The following SPRYD4 variants were observed in gnomAD, a reference collection of about 807,000 sequenced individuals.
SPRYD4 encodes SPRY domain-containing protein 4.
Under a neutral mutation model 16.6 loss-of-function variants are expected in SPRYD4, and 12 were observed. The ratio of observed to expected loss-of-function variants is 0.72; its 90% CI spans 0.46 to 1.17. The LOEUF (loss-of-function observed/expected upper bound fraction) is 1.17, where lower values mean the gene tolerates loss of function less well. Among genes scored for constraint, SPRYD4 ranks in the 50% most tolerant of loss-of-function variants. The pLI is 0.00. For synonymous variants in SPRYD4, 98 were observed against 105.4 expected (o/e 0.93, Z 0.43); for missense variants, 260 against 260.2 (o/e 1.00, Z 0.00).
chr12:56,471,569 T>C lies in SPRYD4; in HGVS notation c.*1992T>C. On this transcript the variant is annotated 3_prime_UTR_variant, in exon 2 of 2. Transcript: ENST00000338146. Reference sequence around the variant, plus strand: ...AGTTTCAGAGAGTGTGTAGGAGTCCTGGTAATCTTGAAGCAGTTTGACCAC... The same window carrying C: ...AGTTTCAGAGAGTGTGTAGGAGTCCCGGTAATCTTGAAGCAGTTTGACCAC... 6.2e-7 allele frequency: 1 copy of C among 1,614,130 alleles called. No individual in the cohort carries two copies. The highest frequency in any genetic ancestry group is 8.5e-7 in the Non-Finnish European group (1 of 1,180,000).
At position 56,472,875 on chromosome 12, in the gene SPRYD4, C is replaced by G; in HGVS notation, c.*3298C>G. On this transcript the variant is annotated 3_prime_UTR_variant, in exon 2 of 2. Transcript: ENST00000338146. ...CTGAAGTGTTATGGAATGTGCTACTCTGAAATATTCTTTTTTTTTTTTTTT... is the reference window on the plus strand; with the variant it reads ...CTGAAGTGTTATGGAATGTGCTACTGTGAAATATTCTTTTTTTTTTTTTTT... 1.5e-6 allele frequency: 1 copy of G among 671,998 alleles called. No homozygotes were observed. Among genetic ancestry groups the G allele is most frequent in the Non-Finnish European group, 2.5e-6 (1 of 398,458 alleles). 41.6% of individuals were successfully genotyped at this position (671,998 alleles called of 1,614,324 possible). A position where few individuals can be genotyped will look rare whatever the true frequency, so the allele number is the denominator to read the frequency against.
At position 56,472,805 on chromosome 12, in the gene SPRYD4, G is replaced by T; in HGVS notation, c.*3228G>T. 6.6e-7 allele frequency: 1 copy of T among 1,518,446 alleles called. No individual in the cohort carries two copies. Among genetic ancestry groups the T allele is most frequent in the Non-Finnish European group, 9.1e-7 (1 of 1,093,782 alleles). 94.1% of individuals were successfully genotyped at this position (1,518,446 alleles called of 1,614,324 possible). ...TTAATTGAACTCACCTATGCCAGCT[G>T]TGCCCTGTGACCCTCCTCCATGGAT... On this transcript the variant is annotated 3_prime_UTR_variant, in exon 2 of 2. Transcript: ENST00000338146.
rs2136174193 is a variant in SPRYD4 at position 56,470,113 on chromosome 12, T to G, written c.*536T>G. 1 of 158,322 alleles carries G rather than the reference T, an allele frequency of 6.3e-6. No homozygotes were observed. Among genetic ancestry groups the G allele is most frequent in the East Asian group, 1.9e-4 (1 of 5,370 alleles). 9.8% of individuals were successfully genotyped at this position (158,322 alleles called of 1,614,324 possible). ...CAGTAAGTGCTTTATTAACTCAGTG[T>G]GTCAAAATGAAAACAGAGCCCTCCT... On this transcript the variant is annotated 3_prime_UTR_variant, in exon 2 of 2. Transcript: ENST00000338146.
Position 56,478,140 on chromosome 12 carries a change from G to T in SPRYD4, c.*8563G>T. 6.2e-7 allele frequency: 1 copy of T among 1,614,098 alleles called. No individual in the cohort carries two copies. The highest frequency in any genetic ancestry group is 8.5e-7 in the Non-Finnish European group (1 of 1,179,966). ...CATGAAAGGGGTTGGCCTGTGTTCG[G>T]CACCTGTGCCCTGCCTCCCCTTCCT... On this transcript the variant is annotated 3_prime_UTR_variant, in exon 2 of 2. Coordinates refer to ENST00000338146, the MANE Select transcript of SPRYD4 (RefSeq NM_207344.4).
At position 56,472,782 on chromosome 12, in the gene SPRYD4, A is replaced by C; in HGVS notation, c.*3205A>C. The C allele has an allele frequency of 3.1e-6, 5 of 1,604,114 alleles. No homozygotes were observed. The highest frequency in any genetic ancestry group is 4.3e-6 in the Non-Finnish European group (5 of 1,171,216). ...ACACAAATCATACCCACATGACATT[A>C]ATTGAACTCACCTATGCCAGCTGTG... is the stretch of plus-strand genomic sequence containing the variant. On this transcript the variant is annotated 3_prime_UTR_variant, in exon 2 of 2. Coordinates refer to ENST00000338146, the MANE Select transcript of SPRYD4 (RefSeq NM_207344.4).
chr12:56,478,088 A>T lies in SPRYD4; in HGVS notation c.*8511A>T, dbSNP rs767910672. On this transcript the variant is annotated 3_prime_UTR_variant, in exon 2 of 2. Coordinates refer to ENST00000338146, the MANE Select transcript of SPRYD4 (RefSeq NM_207344.4). ...GCAGAAGGGGATCTTTGTGTGGCCCACAGAGTGCCTGGAGGCAGACAGATG... is the reference window on the plus strand; with the variant it reads ...GCAGAAGGGGATCTTTGTGTGGCCCTCAGAGTGCCTGGAGGCAGACAGATG... 2.5e-6 allele frequency: 4 copies of T among 1,614,092 alleles called. No homozygotes were observed. In the Admixed American group the frequency reaches 5.0e-5, roughly 20 times the overall value.
chr12:56,479,389 A>C lies in SPRYD4; in HGVS notation c.*9812A>C. The C allele has an allele frequency of 1.9e-6, 1 of 537,456 alleles. No individual in the cohort carries two copies. Among genetic ancestry groups the C allele is most frequent in the Non-Finnish European group, 3.1e-6 (1 of 318,218 alleles). 33.3% of individuals were successfully genotyped at this position (537,456 alleles called of 1,614,324 possible). A position where few individuals can be genotyped will look rare whatever the true frequency, so the allele number is the denominator to read the frequency against. ...GGTTTTAATGATGTGGAAAGACACT[A>C]TGTCTTGGGATATGAGAAAAAAAAT... On this transcript the variant is annotated 3_prime_UTR_variant, in exon 2 of 2. Transcript: ENST00000338146.
At position 56,477,458 on chromosome 12, in the gene SPRYD4, G is replaced by A; in HGVS notation, c.*7881G>A. On this transcript the variant is annotated 3_prime_UTR_variant, in exon 2 of 2. Coordinates refer to ENST00000338146, the MANE Select transcript of SPRYD4 (RefSeq NM_207344.4). ...GGGGGCAGGGAACAGTACTGAGTGG[G>A]GATGACGGAGGTGGTGCAGTCTCTT... The A allele has an allele frequency of 1.9e-6, 1 of 529,530 alleles. No homozygotes were observed. The highest frequency in any genetic ancestry group is 2.5e-5 in the South Asian group (1 of 40,440). The allele number at this position is 529,530 out of a possible 1,614,324, so 32.8% of individuals were successfully genotyped here.
rs1005301889 is a variant in SPRYD4, at chr12:56,472,897, T to A, written c.*3320T>A. Reference sequence around the variant, plus strand: ...ACTCTGAAATATTCTTTTTTTTTTTTTTTTTTTTGAGACGGAGTCTCGCTC... The same window carrying A: ...ACTCTGAAATATTCTTTTTTTTTTTATTTTTTTTGAGACGGAGTCTCGCTC... On this transcript the variant is annotated 3_prime_UTR_variant, in exon 2 of 2. Transcript: ENST00000338146. 2.7e-6 allele frequency: 2 copies of A among 730,680 alleles called. No individual in the cohort carries two copies. The highest frequency in any genetic ancestry group is 3.6e-5 in the African/African-American group (2 of 55,362). 45.3% of individuals were successfully genotyped at this position (730,680 alleles called of 1,614,324 possible).
rs1869780111 is a variant in SPRYD4 at position 56,476,028 on chromosome 12, A to G, written c.*6451A>G. Reference sequence around the variant, plus strand: ...CATTCTAAGTGTAGGAGGATGACAGAGGGAAGGGTCAGAAGGATCTAGTGG... The same window carrying G: ...CATTCTAAGTGTAGGAGGATGACAGGGGGAAGGGTCAGAAGGATCTAGTGG... On this transcript the variant is annotated 3_prime_UTR_variant, in exon 2 of 2. Coordinates refer to ENST00000338146, the MANE Select transcript of SPRYD4 (RefSeq NM_207344.4). 6.3e-6 allele frequency: 10 copies of G among 1,577,460 alleles called. No individual in the cohort carries two copies. Among genetic ancestry groups the G allele is most frequent in the Non-Finnish European group, 7.8e-6 (9 of 1,152,938 alleles).
chr12:56,475,546 C>A lies in SPRYD4; in HGVS notation c.*5969C>A. 6.9e-7 allele frequency: 1 copy of A among 1,439,548 alleles called. No individual in the cohort carries two copies. The highest frequency in any genetic ancestry group is 9.7e-7 in the Non-Finnish European group (1 of 1,030,958). 89.2% of individuals were successfully genotyped at this position (1,439,548 alleles called of 1,614,324 possible). The stretch of plus-strand genomic sequence containing the variant: ...TCTTCCTCCTAAGATTCTCTCTCCC[C>A]CATTCCTCTTGTCCCCATCCTAAGT... On this transcript the variant is annotated 3_prime_UTR_variant, in exon 2 of 2. Transcript: ENST00000338146.
At chr12:56,468,869 C>A in intron 1 of SPRYD4, 170 bp from the exon 2 acceptor site, 1 of 1,035,726 alleles carries the variant, frequency 9.7e-7, no homozygotes, top group Non-Finnish European at 1.4e-6. Flanking sequence ...AGTTTTTCAG[C>A]TCCGTGAGCT....
Position 56,473,119 on chromosome 12 carries a change from G to C in SPRYD4, c.*3542G>C. On this transcript the variant is annotated 3_prime_UTR_variant, in exon 2 of 2. Coordinates refer to ENST00000338146, the MANE Select transcript of SPRYD4 (RefSeq NM_207344.4). ...TTAGCCAGGATGGTCTTGATCTCCT[G>C]ACCTTGTGATCCGCCCGCCTTGGCC... is the stretch of plus-strand genomic sequence containing the variant. The C allele has an allele frequency of 1.0e-6, 1 of 975,444 alleles. No homozygotes were observed. 60.4% of individuals were successfully genotyped at this position (975,444 alleles called of 1,614,324 possible).
In SPRYD4 at chr12:56,472,361, TATACTC is replaced by T. The variant is rs1434943188; in HGVS notation, c.*2788_*2793del. ...TTTTTCCATATCCAGATGAGACTGT[TATACTC>T]ATATTAGAGAGATGGGAATGTGATC... On this transcript the variant is annotated 3_prime_UTR_variant, in exon 2 of 2. Coordinates refer to ENST00000338146, the MANE Select transcript of SPRYD4 (RefSeq NM_207344.4). 5 of 631,326 alleles carry T rather than the reference TATACTC, an allele frequency of 7.9e-6. No individual in the cohort carries two copies. The highest frequency in any genetic ancestry group is 3.4e-4 in the Middle Eastern group (1 of 2,914). 39.1% of individuals were successfully genotyped at this position (631,326 alleles called of 1,614,324 possible).
Position 56,477,525 on chromosome 12 carries a change from C to T in SPRYD4, c.*7948C>T, listed in dbSNP as rs1338780706. On this transcript the variant is annotated 3_prime_UTR_variant, in exon 2 of 2. Transcript: ENST00000338146. ...CATAACATGTGGGTCCCTGCTGTGC[C>T]TCATGTGCCTTCTGGGGACCCTCAA... The T allele has an allele frequency of 2.4e-6, 2 of 823,890 alleles. No individual in the cohort carries two copies. Among genetic ancestry groups the T allele is most frequent in the Non-Finnish European group, 3.9e-6 (2 of 507,904 alleles). 51.0% of individuals were successfully genotyped at this position (823,890 alleles called of 1,614,324 possible).
Position 56,471,185 on chromosome 12 carries a change from AGAG to A in SPRYD4, c.*1612_*1614del, listed in dbSNP as rs1869228390. ...CATGATGGTTTCTTCAGGGAGAGGA[AGAG>A]GAGACCTGGGTGAAGAGCTGGGATG... On this transcript the variant is annotated 3_prime_UTR_variant, in exon 2 of 2. Transcript: ENST00000338146. 1 of 432,032 alleles carries A rather than the reference AGAG, an allele frequency of 2.3e-6. No homozygotes were observed. The highest frequency in any genetic ancestry group is 4.1e-6 in the Non-Finnish European group (1 of 246,764). 26.8% of individuals were successfully genotyped at this position (432,032 alleles called of 1,614,324 possible). A position where few individuals can be genotyped will look rare whatever the true frequency, so the allele number is the denominator to read the frequency against.
Position 56,473,936 on chromosome 12 carries a change from G to A in SPRYD4, c.*4359G>A. On this transcript the variant is annotated 3_prime_UTR_variant, in exon 2 of 2. Transcript: ENST00000338146. ...AATTGTGATAAATAGTGAGAAGTAG[G>A]GTGCTGTAAATAGAGGTAGAGGGGG... The A allele has an allele frequency of 4.8e-6, 1 of 209,516 alleles. No homozygotes were observed. Among genetic ancestry groups the A allele is most frequent in the Non-Finnish European group, 9.6e-6 (1 of 104,246 alleles). 13.0% of individuals were successfully genotyped at this position (209,516 alleles called of 1,614,324 possible).
In SPRYD4 at chr12:56,474,835, T is replaced by C; in HGVS notation, c.*5258T>C. 6.2e-7 allele frequency: 1 copy of C among 1,612,580 alleles called. No individual in the cohort carries two copies. Among genetic ancestry groups the C allele is most frequent in the Non-Finnish European group, 8.5e-7 (1 of 1,179,454 alleles). Reference sequence around the variant, plus strand: ...GTCCTGTTCCCTCGGCCCTGAGCAGTGTTTTCTTACCTGGAAGTAGAGATC... The same window carrying C: ...GTCCTGTTCCCTCGGCCCTGAGCAGCGTTTTCTTACCTGGAAGTAGAGATC... On this transcript the variant is annotated 3_prime_UTR_variant, in exon 2 of 2. Transcript: ENST00000338146.
At position 56,473,116 on chromosome 12, in the gene SPRYD4, C is replaced by G; in HGVS notation, c.*3539C>G. 1 of 959,944 alleles carries G rather than the reference C, an allele frequency of 1.0e-6. No homozygotes were observed. The highest frequency in any genetic ancestry group is 1.5e-5 in the South Asian group (1 of 66,744). 59.5% of individuals were successfully genotyped at this position (959,944 alleles called of 1,614,324 possible). A position where few individuals can be genotyped will look rare whatever the true frequency, so the allele number is the denominator to read the frequency against. ...GTGTTAGCCAGGATGGTCTTGATCT[C>G]CTGACCTTGTGATCCGCCCGCCTTG... On this transcript the variant is annotated 3_prime_UTR_variant, in exon 2 of 2. Coordinates refer to ENST00000338146, the MANE Select transcript of SPRYD4 (RefSeq NM_207344.4).
Sources: gnomAD v4.1 joint callset for allele counts on GRCh38, gnomAD v4.1.1 for gene constraint, MANE v1.5 for transcripts, NCBI Gene and HGNC (gene_info 2026-07-23, HGNC 2026-07-21) for gene names.